HECW2: variants seen among roughly 807,000 people sequenced by gnomAD.
HECW2 encodes the protein E3 ubiquitin-protein ligase HECW2.
Under a neutral mutation model 175.2 loss-of-function variants are expected in HECW2, and 61 were observed. That is an observed-to-expected ratio of 0.35 (90% confidence interval 0.28 to 0.43). The LOEUF (loss-of-function observed/expected upper bound fraction) is 0.43. HECW2 is among the 20% of genes least tolerant of loss of function. The pLI is 1.00. For synonymous variants in HECW2, 671 were observed against 731.0 expected (o/e 0.92, Z 1.32); for missense variants, 1,524 against 2,000.5 (o/e 0.76, Z 4.54).
chr2:196,308,811 T>C (rs1399163587), intron 10 of HECW2, among the ~76,000 whole-genome samples: 1 of 152,198 alleles, frequency 6.6e-6, no homozygotes, highest in East Asian at 1.9e-4. Flanking sequence ...CCCACCTTTG[T>C]GACTCTCTAA....
intron 2 of HECW2, among the ~76,000 whole-genome samples, chr2:196,429,933 G>A (rs1695659327): frequency 6.6e-6 from 1 of 152,200 alleles, no homozygotes; most frequent in Admixed American, 6.5e-5. Flanking sequence ...AGGCTTTATA[G>A]AGAGCAGCTT....
intron 1 of HECW2, among the ~76,000 whole-genome samples, chr2:196,517,415 A>T (rs1044467627): frequency 2.0e-5 from 3 of 152,224 alleles, no homozygotes; most frequent in African/African-American, 7.2e-5. Context: ...ATAAAATTTT[A>T]AAAAGGAAAA....
intron 28 of HECW2, among the ~76,000 whole-genome samples, chr2:196,210,010 A>G (rs1687217018): frequency 1.3e-5 from 2 of 151,948 alleles, no homozygotes; most frequent in Admixed American, 6.6e-5. Flanking sequence ...TGATCTGCCC[A>G]CCTTGGCCTC....
chr2:196,242,369 C>T, intron 19 of HECW2, 165 bp from the exon 20 acceptor site: 1 of 797,180 alleles, frequency 1.3e-6, no homozygotes, highest in South Asian at 1.9e-5. Flanking sequence ...CAAACCTCAA[C>T]CAAGGTCTTA....
chr2:196,372,161 T>C (rs1026531217), intron 2 of HECW2, among the ~76,000 whole-genome samples: 2 of 152,198 alleles, frequency 1.3e-5, no homozygotes, highest in African/African-American at 4.8e-5. Context: ...TTAACTGCTT[T>C]GCTCATCTTA....
At chr2:196,423,716 T>TGTGTG (rs1380274391) in intron 2 of HECW2, among the ~76,000 whole-genome samples, 3 of 13,540 alleles carry the variant, frequency 2.2e-4, no homozygotes, top group Admixed American at 7.4e-4. Context: ...GTGTGTGTGT[T>TGTGTG]TATCACATTT....
intron 1 of HECW2, among the ~76,000 whole-genome samples, chr2:196,457,175 TCTCTG>T (rs1317898706): frequency 6.6e-6 from 1 of 152,224 alleles, no homozygotes; most frequent in Non-Finnish European, 1.5e-5. Context: ...TACACATATG[TCTCTG>T]CTCTGATGTC....
intron 1 of HECW2, among the ~76,000 whole-genome samples, chr2:196,458,121 T>A (rs1052316701): frequency 7.3e-5 from 11 of 151,166 alleles, no homozygotes; most frequent in African/African-American, 2.7e-4. Context: ...AATTAAAAAA[T>A]TAGCTGGGTG....
chr2:196,319,072 C>T lies in HECW2; in HGVS notation c.1818G>A (p.Glu606=), dbSNP rs764576134. Residue 606 remains glutamate (E), a synonymous_variant, in exon 9 of 29, where the codon GAG becomes GAA. Coordinates refer to ENST00000644978, the MANE Select transcript of HECW2 (RefSeq NM_001348768.2). ...CTGTTTCAGAGGACACCTGGGAAGG[C>T]TCAGAGCCCTGATCGAGAGACTCGG... The part of the protein sequence containing the change: ...SETESLDQGS[E]PSQVSSETEP... The T allele has an allele frequency of 1.9e-6, 3 of 1,609,742 alleles. No individual in the cohort carries two copies. The highest frequency in any genetic ancestry group is 2.5e-6 in the Non-Finnish European group (3 of 1,178,078).
In HECW2 at chr2:196,358,290, C is replaced by T. The variant is rs543187853; in HGVS notation, c.293-14526G>A. On this transcript the variant is annotated intron_variant, in intron 2 of 28. Transcript: ENST00000644978. Reference sequence around the variant, plus strand: ...ACATACGAGTTTTAAAAACCTATTTCGGACCGGGCACGGTGGCTCATACCT... The same window carrying T: ...ACATACGAGTTTTAAAAACCTATTTTGGACCGGGCACGGTGGCTCATACCT... 1.5e-4 allele frequency among the ~76,000 whole-genome samples: 23 copies of T among 152,128 alleles called. No individual in the cohort carries two copies. In the South Asian group the frequency reaches 2.7e-3, roughly 18 times the overall value.
At chr2:196,439,154 G>C (rs1324960095) in intron 1 of HECW2, among the ~76,000 whole-genome samples, 1 of 152,198 alleles carries the variant, frequency 6.6e-6, no homozygotes, top group Non-Finnish European at 1.5e-5. Flanking sequence ...TTTAAGGATT[G>C]AAATACTGTG....
Position 196,460,486 on chromosome 2 carries a change from C to CT in HECW2, c.-35-27029dup, listed in dbSNP as rs3082153. Among the ~76,000 whole-genome samples, 690 of 142,916 alleles carry CT rather than the reference C, an allele frequency of 4.8e-3. 3 individuals are homozygous for CT. Among genetic ancestry groups the CT allele is most frequent in the East Asian group, 0.013 (61 of 4,790 alleles). 93.8% of individuals were successfully genotyped at this position (142,916 alleles called of 152,430 possible). On this transcript the variant is annotated intron_variant, in intron 1 of 28. Transcript: ENST00000644978. ...GATACAAAAACAAAACCGATTAAAC[C>CT]TTTTTTTTTTTTTTTGCATGTATTC...
chr2:196,245,090 T>G (rs563024113), intron 19 of HECW2, among the ~76,000 whole-genome samples: 1 of 152,236 alleles, frequency 6.6e-6, no homozygotes, highest in South Asian at 2.1e-4. Context: ...AGTGAGTGAC[T>G]CAGAGAAACA....
At chr2:196,247,144 G>A (rs1184906023) in intron 19 of HECW2, among the ~76,000 whole-genome samples, 1 of 152,018 alleles carries the variant, frequency 6.6e-6, no homozygotes, top group African/African-American at 2.4e-5. Flanking sequence ...CCAGCTACTT[G>A]GGGGGCTGAG....
At chr2:196,486,652 T>C (rs1216729245) in intron 1 of HECW2, among the ~76,000 whole-genome samples, 1 of 152,166 alleles carries the variant, frequency 6.6e-6, no homozygotes, top group Non-Finnish European at 1.5e-5. Flanking sequence ...CCCTTAATTA[T>C]TACTGCAAAC....
intron 19 of HECW2, among the ~76,000 whole-genome samples, chr2:196,248,374 T>C (rs903208271): frequency 6.6e-6 from 1 of 152,120 alleles, no homozygotes. Context: ...AGAGAGACAG[T>C]GTCTGTGGCT....
chr2:196,358,064 G>A (rs551959934), intron 2 of HECW2, among the ~76,000 whole-genome samples: 1 of 152,272 alleles, frequency 6.6e-6, no homozygotes, highest in Middle Eastern at 3.4e-3. Context: ...ATATTGCCAG[G>A]CTGCCACTGC....
chr2:196,579,778 A>G (rs1690702914), intron 1 of HECW2, among the ~76,000 whole-genome samples: 1 of 152,226 alleles, frequency 6.6e-6, no homozygotes, highest in East Asian at 1.9e-4. Flanking sequence ...ACACACAGAT[A>G]GACACCAGGG....
At position 196,577,784 on chromosome 2, in the gene HECW2, A is replaced by C. The variant is rs528753998; in HGVS notation, c.-36+15724T>G. On this transcript the variant is annotated intron_variant, in intron 1 of 28. Coordinates refer to ENST00000644978, the MANE Select transcript of HECW2 (RefSeq NM_001348768.2). ...GGAAATCTCTTTCAACCATCAGCTG[A>C]CCACTAATATAACCAGACAGAGACT... Among the ~76,000 whole-genome samples the C allele has an allele frequency of 9.2e-5, 14 of 152,298 alleles. No homozygotes were observed. In the South Asian group the frequency reaches 2.1e-3, roughly 23 times the overall value.
Sources: allele counts gnomAD v4.1 joint callset (sites outside exome capture counted in the v4.1 genomes callset), GRCh38; gene constraint gnomAD v4.1.1; transcripts MANE v1.5; gene names NCBI Gene and HGNC (gene_info 2026-07-23, HGNC 2026-07-21).